Variants in MED29 observed in about 807,000 individuals in gnomAD.
MED29 encodes the protein mediator of RNA polymerase II transcription subunit 29.
MED29 carries 14 observed loss-of-function variants against 22.0 expected under a neutral mutation model. The observed-to-expected ratio is 0.64, with a 90% CI of 0.42 to 0.99. MED29 has a LOEUF of 0.99. Ranked by LOEUF, MED29 falls within the 50% of genes least tolerant of loss-of-function variation. The probability of loss-of-function intolerance (pLI) is 0.00; values close to 1 mark genes in which losing one functional copy is unlikely to be tolerated. For missense variants in MED29, 241 were observed against 253.7 expected, an observed-to-expected ratio of 0.95 and a Z score of 0.34; for synonymous variants, 123 against 107.8, an observed-to-expected ratio of 1.14 and a Z score of -0.87.
chr19:39,398,687 C>T lies in MED29; in HGVS notation c.*988C>T, dbSNP rs1002137511. On this transcript the variant is annotated 3_prime_UTR_variant, in exon 4 of 4. Transcript: ENST00000315588. The stretch of plus-strand genomic sequence containing the variant: ...CTGGAAGCTTCAGGAAGCTCAGCCT[C>T]AGCCTTCAGGCCTGAGCAAGTGCAG... 3 of 152,320 alleles carry T rather than the reference C, an allele frequency of 2.0e-5. No individual in the cohort carries two copies. Among genetic ancestry groups the T allele is most frequent in the Non-Finnish European group, 4.4e-5 (3 of 68,038 alleles). The allele number at this position is 152,320 out of a possible 1,614,324, so 9.4% of individuals were successfully genotyped here.
rs2078451591 is a variant in MED29, at chr19:39,399,757, G to A, written c.*2058G>A. Reference sequence around the variant, plus strand: ...CATGAGCGCACACACAAGACTGAGGGACTGTCGGCCCTCCCAGGTGGTGTC... The same window carrying A: ...CATGAGCGCACACACAAGACTGAGGAACTGTCGGCCCTCCCAGGTGGTGTC... On this transcript the variant is annotated 3_prime_UTR_variant, in exon 4 of 4. Coordinates refer to ENST00000315588, the MANE Select transcript of MED29 (RefSeq NM_017592.4). The A allele has an allele frequency of 6.6e-6, 1 of 152,244 alleles. No individual in the cohort carries two copies. Among genetic ancestry groups the A allele is most frequent in the South Asian group, 2.1e-4 (1 of 4,838 alleles). 9.4% of individuals were successfully genotyped at this position (152,244 alleles called of 1,614,324 possible).
At position 39,392,480 on chromosome 19, in the gene MED29, C is replaced by G. The variant is rs752485194; in HGVS notation, c.233C>G (p.Ala78Gly). The G allele has an allele frequency of 6.2e-7, 1 of 1,613,750 alleles. No individual in the cohort carries two copies. Among genetic ancestry groups the G allele is most frequent in the African/African-American group, 1.3e-5 (1 of 74,804 alleles). Reference sequence around the variant, plus strand: ...TTTGACTAGACCTTGATGAAGGTTGCGGCCCAAAACTTGATTCAGAACACT... The same window carrying G: ...TTTGACTAGACCTTGATGAAGGTTGGGGCCCAAAACTTGATTCAGAACACT... ...KESLQTLMKV[A>G]AQNLIQNTNI... The change falls in exon 2 of 4, where the codon GCG becomes GGG. Residue 78 changes from alanine to glycine, a missense_variant. By Grantham distance (60) the Ala-to-Gly change is moderately conservative. Transcript: ENST00000315588.
chr19:39,396,031 G>A (rs2078426734), intron 3 of MED29, among the ~76,000 whole-genome samples: 1 of 152,224 alleles, frequency 6.6e-6, no homozygotes. Context: ...GGCGCCATTA[G>A]TGCAGAGGTG....
chr19:39,394,857 C>T (rs563360339), intron 3 of MED29, among the ~76,000 whole-genome samples: 6 of 150,496 alleles, frequency 4.0e-5, no homozygotes, highest in East Asian at 2.0e-4. Context: ...CTACCACACC[C>T]GGCTTTTTTT....
At chr19:39,392,878 C>G in intron 2 of MED29, 1 of 224,816 alleles carries the variant, frequency 4.4e-6, no homozygotes, top group Non-Finnish European at 8.6e-6. Context: ...CTAGCCATCC[C>G]CTCAGCCTCA....
chr19:39,394,085 T>C (rs1280525425), intron 3 of MED29, among the ~76,000 whole-genome samples: 1 of 152,204 alleles, frequency 6.6e-6, no homozygotes, highest in African/African-American at 2.4e-5. Context: ...GGTAAGTGAC[T>C]AAGAATACAG....
chr19:39,397,875 C>T lies in MED29; in HGVS notation c.*176C>T. The T allele has an allele frequency of 1.2e-5, 13 of 1,045,504 alleles. No homozygotes were observed. Among genetic ancestry groups the T allele is most frequent in the Non-Finnish European group, 1.2e-5 (9 of 740,494 alleles). 64.8% of individuals were successfully genotyped at this position (1,045,504 alleles called of 1,614,324 possible). A position where few individuals can be genotyped will look rare whatever the true frequency, so the allele number is the denominator to read the frequency against. On this transcript the variant is annotated 3_prime_UTR_variant, in exon 4 of 4. Coordinates refer to ENST00000315588, the MANE Select transcript of MED29 (RefSeq NM_017592.4). ...GCTCGCAGGCCGGGCCCCTGCGTCC[C>T]TGCCCCTTCTTCCTGCTCCCCCTCC...
chr19:39,392,446 T>C lies in MED29; in HGVS notation c.217-18T>C, dbSNP rs760845589. ...TTGTTTTTCCATTTCCCACGTGTTT[T>C]GTTTTTGTTTTGACTAGACCTTGAT... On this transcript the variant is annotated intron_variant, in intron 1 of 3. Transcript: ENST00000315588. 1.1e-5 allele frequency: 18 copies of C among 1,613,260 alleles called. No homozygotes were observed. In the Middle Eastern group the frequency reaches 4.9e-4, roughly 44 times the overall value.
intron 2 of MED29, among the ~76,000 whole-genome samples, chr19:39,393,143 T>A (rs1196416356): frequency 7.7e-6 from 1 of 130,416 alleles, no homozygotes; most frequent in Non-Finnish European, 1.6e-5. Flanking sequence ...TCGCCCAGGC[T>A]GGAGTGCAGT....
At chr19:39,393,720 C>T in intron 3 of MED29, 83 bp downstream of exon 3, 5 of 1,184,730 alleles carry the variant, frequency 4.2e-6, no homozygotes, top group Non-Finnish European at 6.3e-6. Context: ...AGTCAACTCA[C>T]ACTCAACTGG....
intron 3 of MED29, among the ~76,000 whole-genome samples, chr19:39,396,014 C>G (rs946144866): frequency 1.3e-5 from 2 of 152,030 alleles, no homozygotes; most frequent in African/African-American, 4.8e-5. Context: ...AGGCCAGCGA[C>G]AGTGTGGGCG....
rs953250100 is a variant in MED29, at chr19:39,399,991, G to T, written c.*2292G>T. On this transcript the variant is annotated 3_prime_UTR_variant, in exon 4 of 4. Transcript: ENST00000315588. Reference sequence around the variant, plus strand: ...ATTGGGTATCTTGTGCCCAAGGCCTGTATTTGTGGAGCTGATGTTCTAGTG... The same window carrying T: ...ATTGGGTATCTTGTGCCCAAGGCCTTTATTTGTGGAGCTGATGTTCTAGTG... 4 of 152,246 alleles carry T rather than the reference G, an allele frequency of 2.6e-5. No individual in the cohort carries two copies. The highest frequency in any genetic ancestry group is 4.4e-5 in the Non-Finnish European group (3 of 68,048). The allele number at this position is 152,246 out of a possible 1,614,324, so 9.4% of individuals were successfully genotyped here.
intron 3 of MED29, among the ~76,000 whole-genome samples, chr19:39,396,039 G>A (rs938831578): frequency 5.3e-5 from 8 of 152,230 alleles, no homozygotes; most frequent in African/African-American, 2.4e-5. Flanking sequence ...TAGTGCAGAG[G>A]TGGAAACTGA....
chr19:39,394,604 G>A (rs1361633639), intron 3 of MED29, among the ~76,000 whole-genome samples: 5 of 117,444 alleles, frequency 4.3e-5, no homozygotes, highest in Admixed American at 3.6e-4. Flanking sequence ...TCACTCTGTC[G>A]CCAGGCTAGA....
chr19:39,392,590 T>A (rs982392224), intron 2 of MED29, 68 bp downstream of exon 2: 9 of 1,328,834 alleles, frequency 6.8e-6, no homozygotes, highest in Non-Finnish European at 9.7e-6. Context: ...TCTTTCCTTC[T>A]CCTGCTCCCC....
Position 39,391,439 on chromosome 19 carries a change from A to G in MED29, c.17A>G (p.Gln6Arg), listed in dbSNP as rs751705092. 7.4e-5 allele frequency: 120 copies of G among 1,613,208 alleles called. No individual in the cohort carries two copies. The highest frequency in any genetic ancestry group is 9.9e-5 in the Non-Finnish European group (117 of 1,179,244). MAASQ[Q>R]QASAASSAAG... ...GCGAGGAAGATGGCTGCATCCCAGC[A>G]GCAAGCTTCAGCGGCTTCCTCAGCT... Residue 6 changes from glutamine (Q) to arginine (R), a missense_variant, in exon 1 of 4, where the codon CAG becomes CGG. By Grantham distance (43) the Gln-to-Arg change is conservative (BLOSUM62 1). Transcript: ENST00000315588.
chr19:39,395,551 G>C (rs2078423571), intron 3 of MED29, among the ~76,000 whole-genome samples: 1 of 152,160 alleles, frequency 6.6e-6, no homozygotes, highest in African/African-American at 2.4e-5. Flanking sequence ...GCAGGGCTTT[G>C]TATATGGGCC....
At position 39,391,522 on chromosome 19, in the gene MED29, C is replaced by T. The variant is rs756107009; in HGVS notation, c.100C>T (p.Pro34Ser). Residue 34 changes from proline to serine, a missense_variant, in exon 1 of 4, where the codon CCG (proline) becomes TCG (serine). Physicochemically the swap from Pro to Ser is moderately conservative, Grantham distance 74 (BLOSUM62 -1). Coordinates refer to ENST00000315588, the MANE Select transcript of MED29 (RefSeq NM_017592.4). ...GGPGPQQQPQ[P>S]PAQLVGPAQS... is the part of the protein sequence containing the mutation. Reference sequence around the variant, plus strand: ...CCCGGGTCCCCAGCAGCAGCCGCAACCGCCAGCACAACTGGTGGGCCCTGC... The same window carrying T: ...CCCGGGTCCCCAGCAGCAGCCGCAATCGCCAGCACAACTGGTGGGCCCTGC... 3 of 1,613,650 alleles carry T rather than the reference C, an allele frequency of 1.9e-6. No individual in the cohort carries two copies. The highest frequency in any genetic ancestry group is 1.7e-5 in the Admixed American group (1 of 60,022).
chr19:39,391,774 C>A, intron 1 of MED29, 136 bp downstream of exon 1: 1 of 1,088,480 alleles, frequency 9.2e-7, no homozygotes, highest in Non-Finnish European at 1.3e-6. Flanking sequence ...TGGTGCACGC[C>A]TGTGTTCCCA....
Sources: allele counts gnomAD v4.1 joint callset (sites outside exome capture counted in the v4.1 genomes callset), GRCh38; gene constraint gnomAD v4.1.1; transcripts MANE v1.5; gene names NCBI Gene and HGNC (gene_info 2026-07-23, HGNC 2026-07-21).